Variants in NTRK3 observed in about 807,000 individuals in gnomAD.
The protein encoded by NTRK3 is NT-3 growth factor receptor.
Under a neutral mutation model 91.7 loss-of-function variants are expected in NTRK3, and 24 were observed. The observed-to-expected ratio is 0.26, with a 90% CI of 0.19 to 0.37. The LOEUF (loss-of-function observed/expected upper bound fraction) is 0.37. Ranked by LOEUF, NTRK3 falls within the 10% of genes least tolerant of loss-of-function variation. The pLI is 1.00. For synonymous variants in NTRK3, 483 were observed against 404.0 expected, an observed-to-expected ratio of 1.20 and a Z score of -2.34; for missense variants, 880 against 1,068.9, an observed-to-expected ratio of 0.82 and a Z score of 2.46.
chr15:87,898,169 T>A (rs1477917682), intron 17 of NTRK3, among the ~76,000 whole-genome samples: 1 of 152,206 alleles, frequency 6.6e-6, no homozygotes, highest in Non-Finnish European at 1.5e-5. Context: ...TTCTAAGGAC[T>A]TAGACATTCT....
chr15:88,219,012 A>G (rs2050026715), intron 3 of NTRK3, among the ~76,000 whole-genome samples: 1 of 152,244 alleles, frequency 6.6e-6, no homozygotes, highest in African/African-American at 2.4e-5. Flanking sequence ...GACAGATGCC[A>G]TAGCAACAGC....
intron 5 of NTRK3, among the ~76,000 whole-genome samples, chr15:88,169,184 A>G (rs566121367): frequency 6.6e-6 from 1 of 152,294 alleles, no homozygotes; most frequent in Non-Finnish European, 1.5e-5. Context: ...AGGTTTCTGC[A>G]TGGGCCTCAC....
chr15:88,129,015 T>C (rs2053564503), intron 10 of NTRK3, among the ~76,000 whole-genome samples: 1 of 152,178 alleles, frequency 6.6e-6, no homozygotes, highest in South Asian at 2.1e-4. Context: ...CATTATGAGA[T>C]GATAGGGAAT....
rs761421564 is a variant in NTRK3, at chr15:88,255,368, A to G, written c.248+538T>C. On this transcript the variant is annotated intron_variant, in intron 3 of 18. Coordinates refer to ENST00000394480, the Ensembl canonical transcript of NTRK3. This position sits in a 1 kb window ranked among gnomAD's most constrained non-coding sequence, Gnocchi z 4.3. ...TCTCCCCGCGAGCAGCCAGCTCGCA[A>G]CTTGTTTACTTGTCAGCATGTTTTG... Among the ~76,000 whole-genome samples the G allele has an allele frequency of 3.3e-5, 5 of 152,156 alleles. No homozygotes were observed. Among genetic ancestry groups the G allele is most frequent in the Admixed American group, 6.5e-5 (1 of 15,278 alleles).
chr15:88,219,360 G>A (rs1464902854), intron 3 of NTRK3, among the ~76,000 whole-genome samples: 3 of 152,228 alleles, frequency 2.0e-5, no homozygotes, highest in African/African-American at 7.2e-5. Context: ...ACCCACAGAC[G>A]GGGGCCAAGA....
chr15:88,113,706 A>AC, intron 13 of NTRK3, among the ~76,000 whole-genome samples: 1 of 152,134 alleles, frequency 6.6e-6, no homozygotes, highest in East Asian at 1.9e-4. Flanking sequence ...TTTTATAAAT[A>AC]AAGTTTTATT....
intron 3 of NTRK3, among the ~76,000 whole-genome samples, chr15:88,207,155 T>TGTCA (rs1273595621): frequency 2.0e-5 from 3 of 152,214 alleles, no homozygotes; most frequent in African/African-American, 7.2e-5. Flanking sequence ...CAATGGTATT[T>TGTCA]GTCAGGTTGC....
chr15:88,187,728 GT>G (rs2047058298), intron 3 of NTRK3, among the ~76,000 whole-genome samples: 1 of 152,072 alleles, frequency 6.6e-6, no homozygotes, highest in African/African-American at 2.4e-5. Context: ...ATGGTCAGGA[GT>G]TCGAGACCAG....
chr15:88,057,883 C>T (rs969531601), intron 13 of NTRK3, among the ~76,000 whole-genome samples: 4 of 152,242 alleles, frequency 2.6e-5, no homozygotes, highest in African/African-American at 7.2e-5. Flanking sequence ...CTGTCTTTCT[C>T]TTCCTCTGTC....
intron 13 of NTRK3, among the ~76,000 whole-genome samples, chr15:88,080,371 C>G (rs2047937874): frequency 6.6e-6 from 1 of 152,176 alleles, no homozygotes; most frequent in South Asian, 2.1e-4. Flanking sequence ...TCTAAACCAT[C>G]ATGTATTATT....
intron 13 of NTRK3, among the ~76,000 whole-genome samples, chr15:88,082,547 C>T (rs1268613226): frequency 3.3e-5 from 5 of 152,170 alleles, no homozygotes; most frequent in Non-Finnish European, 7.3e-5. Context: ...TGCTATCTGA[C>T]TTCCATCCAC....
At chr15:87,932,152 C>T (rs1189743990) in intron 16 of NTRK3, among the ~76,000 whole-genome samples, 1 of 152,230 alleles carries the variant, frequency 6.6e-6, no homozygotes, top group Non-Finnish European at 1.5e-5. Flanking sequence ...TCATCCAGAA[C>T]TTCTGGCTGG....
chr15:88,006,875 G>C (rs1211784719), intron 14 of NTRK3, among the ~76,000 whole-genome samples: 1 of 152,078 alleles, frequency 6.6e-6, no homozygotes, highest in Non-Finnish European at 1.5e-5. Flanking sequence ...CACCATCAGA[G>C]AGCCACTAAG....
At chr15:88,052,840 T>C (rs1423970378) in intron 13 of NTRK3, among the ~76,000 whole-genome samples, 1 of 152,140 alleles carries the variant, frequency 6.6e-6, no homozygotes, top group Admixed American at 6.5e-5. Flanking sequence ...GTTGTCACAT[T>C]CCAGGTATTT....
At chr15:88,239,137 C>G (rs567606746) in intron 3 of NTRK3, among the ~76,000 whole-genome samples, 1 of 152,012 alleles carries the variant, frequency 6.6e-6, no homozygotes, top group Admixed American at 6.5e-5. Flanking sequence ...AACAAAGAAC[C>G]TCTCAAAGGT....
intron 3 of NTRK3, among the ~76,000 whole-genome samples, chr15:88,254,422 G>A (rs188571048): frequency 1.6e-4 from 24 of 152,262 alleles, no homozygotes; most frequent in African/African-American, 4.3e-4. Context: ...TGGCCGGGTT[G>A]AAGAGGGTAA....
intron 14 of NTRK3, among the ~76,000 whole-genome samples, chr15:87,954,736 G>T (rs1298734722): frequency 6.6e-6 from 1 of 152,214 alleles, no homozygotes; most frequent in Non-Finnish European, 1.5e-5. Flanking sequence ...TTTAACATGT[G>T]TGAAAAACCA....
At chr15:88,183,741 C>T (rs1013453562) in intron 4 of NTRK3, among the ~76,000 whole-genome samples, 8 of 152,176 alleles carry the variant, frequency 5.3e-5, no homozygotes, top group African/African-American at 1.9e-4. Flanking sequence ...TCCACCCATC[C>T]TGGCCAGTAG....
In NTRK3 at chr15:87,892,562, T is replaced by G. The variant is rs1446786780; in HGVS notation, c.2134-12134A>C. 2.0e-5 allele frequency among the ~76,000 whole-genome samples: 3 copies of G among 152,320 alleles called. No homozygotes were observed. The East Asian group carries it at 5.8e-4, about 29-fold the overall frequency. ...TTTTACATTTTATCTTTTATATTCCTCAAAAATTGATATGTATATTATTTT... is the reference window on the plus strand; with the variant it reads ...TTTTACATTTTATCTTTTATATTCCGCAAAAATTGATATGTATATTATTTT... On this transcript the variant is annotated intron_variant, in intron 17 of 18. Transcript: ENST00000394480.
Sources: gnomAD v4.1 joint callset for allele counts (sites outside exome capture counted in the v4.1 genomes callset) on GRCh38, gnomAD v4.1.1 for gene constraint, Gnocchi (gnomAD v3.1) non-coding constraint, MANE v1.5 for transcripts, NCBI Gene and HGNC (gene_info 2026-07-23, HGNC 2026-07-21) for gene names.